The following GABRR2 variants were observed in gnomAD, a reference collection of about 807,000 sequenced individuals.
GABRR2 encodes the protein gamma-aminobutyric acid receptor subunit rho-2.
Under a neutral mutation model 47.0 loss-of-function variants are expected in GABRR2, and 36 were observed. That is an observed-to-expected ratio of 0.77 (90% CI 0.59 to 1.01). The LOEUF is 1.01. GABRR2 is among the 50% of genes least tolerant of loss of function. The probability of loss-of-function intolerance (pLI) is 0.00; values close to 1 mark genes in which losing one functional copy is unlikely to be tolerated. For synonymous variants in GABRR2, 204 were observed against 227.5 expected (o/e 0.90, Z 0.93); for missense variants, 587 against 594.6 (o/e 0.99, Z 0.13).
chr6:89,275,522 C>A (rs897704387), intron 2 of GABRR2, among the ~76,000 whole-genome samples: 1 of 152,186 alleles, frequency 6.6e-6, no homozygotes. Context: ...GATCCGCCCG[C>A]CTCAGCCTCC....
In GABRR2 at chr6:89,315,114, C is replaced by T. The variant is rs776453341; in HGVS notation, c.52G>A (p.Val18Met). The change falls in exon 1 of 9, where the codon GTG becomes ATG. Residue 18 changes from valine to methionine, a missense_variant. Physicochemically the swap from Val to Met is conservative, Grantham distance 21. Transcript: ENST00000402938. ...TTCCTCTTGGGTTTTCTGCTCTCCACGAGAACCATCAAGCAAAACAAGAAC... is the reference window on the plus strand; with the variant it reads ...TTCCTCTTGGGTTTTCTGCTCTCCATGAGAACCATCAAGCAAAACAAGAAC... ...ILFLFCLMVL[V>M]ESRKPKRKRW... is the part of the protein sequence containing the mutation. The T allele has an allele frequency of 5.9e-5, 96 of 1,613,746 alleles. 1 individual carries two copies. The South Asian group carries it at 7.8e-4, about 13-fold the overall frequency.
intron 2 of GABRR2, among the ~76,000 whole-genome samples, chr6:89,276,430 C>G (rs1266038163): frequency 6.6e-6 from 1 of 151,922 alleles, no homozygotes; most frequent in Non-Finnish European, 1.5e-5. Flanking sequence ...TTCTTTACCT[C>G]AATAATTGCA....
chr6:89,277,787 A>G (rs1320274222), intron 2 of GABRR2, among the ~76,000 whole-genome samples: 5 of 147,196 alleles, frequency 3.4e-5, no homozygotes, highest in Admixed American at 2.1e-4. Context: ...AAGTGGCTCA[A>G]ATGAATGGGT....
chr6:89,296,290 G>A (rs558474701), intron 2 of GABRR2, among the ~76,000 whole-genome samples: 9 of 152,370 alleles, frequency 5.9e-5, no homozygotes, highest in Admixed American at 3.3e-4. Flanking sequence ...GGGAATCCCC[G>A]TCCTGCGATC....
intron 1 of GABRR2, among the ~76,000 whole-genome samples, chr6:89,306,017 T>A (rs1767552856): frequency 6.6e-6 from 1 of 150,388 alleles, no homozygotes; most frequent in African/African-American, 2.4e-5. Context: ...AATAAATAAA[T>A]GTGTGATGAG....
intron 8 of GABRR2, among the ~76,000 whole-genome samples, chr6:89,261,145 C>T (rs983647617): frequency 3.9e-5 from 6 of 152,126 alleles, no homozygotes; most frequent in East Asian, 1.9e-4. Flanking sequence ...GTGAACCGTT[C>T]GTTTGTGAGC....
chr6:89,297,308 A>G (rs113658424), intron 2 of GABRR2, among the ~76,000 whole-genome samples: 47 of 152,328 alleles, frequency 3.1e-4, no homozygotes, highest in African/African-American at 1.0e-3. Flanking sequence ...CAGTGTGCCT[A>G]TGCCGCCTAA....
chr6:89,302,036 A>G, intron 1 of GABRR2: 4 of 665,622 alleles, frequency 6.0e-6, no homozygotes, highest in Non-Finnish European at 1.1e-5. Context: ...ACATTTTTTC[A>G]GGCCTGACAA....
chr6:89,260,828 C>T (rs752736371), intron 8 of GABRR2, among the ~76,000 whole-genome samples: 1 of 152,202 alleles, frequency 6.6e-6, no homozygotes, highest in East Asian at 1.9e-4. Flanking sequence ...ATGGCATCCA[C>T]TTAGGAACCT....
Position 89,274,574 on chromosome 6 carries a change from G to C in GABRR2, c.221-2852C>G, listed in dbSNP as rs527889283. Among the ~76,000 whole-genome samples the C allele has an allele frequency of 2.0e-5, 3 of 151,984 alleles. No individual in the cohort carries two copies. The East Asian group carries it at 5.8e-4, about 29-fold the overall frequency. ...ACTGCTGTAGGGTTTTCTGCTTTAA[G>C]AGAGGGGCTGGGCTGGGTGAAGTGG... On this transcript the variant is annotated intron_variant, in intron 2 of 8. Coordinates refer to ENST00000402938, the MANE Select transcript of GABRR2 (RefSeq NM_002043.5).
chr6:89,287,753 T>G (rs1456680401), intron 2 of GABRR2, among the ~76,000 whole-genome samples: 1 of 152,218 alleles, frequency 6.6e-6, no homozygotes. Context: ...GTGGTCTACC[T>G]CCAGAGCCCT....
intron 1 of GABRR2, among the ~76,000 whole-genome samples, chr6:89,311,582 G>T (rs151183414): frequency 6.6e-6 from 1 of 152,118 alleles, no homozygotes; most frequent in Non-Finnish European, 1.5e-5. Context: ...CCTCAAACCC[G>T]GCCTTTGGGT....
chr6:89,266,999 C>CTTTTT (rs71024360), intron 6 of GABRR2, among the ~76,000 whole-genome samples: 7 of 125,890 alleles, frequency 5.6e-5, no homozygotes, highest in Non-Finnish European at 8.1e-5. Context: ...TTCTTTTCTT[C>CTTTTT]TTTTTTTTTT....
rs905793706 is a variant in GABRR2, at chr6:89,254,479, C to A, written c.*3191G>T. Among the ~76,000 whole-genome samples, 12 of 152,130 alleles carry A rather than the reference C, an allele frequency of 7.9e-5. No individual in the cohort carries two copies. The highest frequency in any genetic ancestry group is 2.7e-4 in the African/African-American group (11 of 41,418). ...CAATCACCAGTTTTTGTATAAAACCCATTTCTTTTATTGTAACATTAACAT... is the reference window on the plus strand; with the variant it reads ...CAATCACCAGTTTTTGTATAAAACCAATTTCTTTTATTGTAACATTAACAT... On this transcript the variant is annotated 3_prime_UTR_variant, in exon 9 of 9. Transcript: ENST00000402938.
rs555406203 is a variant in GABRR2 at position 89,255,271 on chromosome 6, T to C, written c.*2399A>G. Among the ~76,000 whole-genome samples the C allele has an allele frequency of 5.5e-4, 83 of 152,092 alleles. No individual in the cohort carries two copies. Among genetic ancestry groups the C allele is most frequent in the African/African-American group, 2.0e-3 (81 of 41,494 alleles). Reference sequence around the variant, plus strand: ...GACTAACATGGAGAAACCCCATCTCTACTAAAAAATACAAAAGTTAGCCAG... The same window carrying C: ...GACTAACATGGAGAAACCCCATCTCCACTAAAAAATACAAAAGTTAGCCAG... On this transcript the variant is annotated 3_prime_UTR_variant, in exon 9 of 9. Coordinates refer to ENST00000402938, the MANE Select transcript of GABRR2 (RefSeq NM_002043.5).
At chr6:89,290,725 C>T (rs1030324771) in intron 2 of GABRR2, among the ~76,000 whole-genome samples, 8 of 152,204 alleles carry the variant, frequency 5.3e-5, no homozygotes, top group African/African-American at 1.9e-4. Context: ...TATCAGAAGG[C>T]AGGAGGTATC....
intron 2 of GABRR2, among the ~76,000 whole-genome samples, chr6:89,282,045 ATCACGACTGCATCACTACTCCTTCC>A (rs1266664413): frequency 2.0e-5 from 3 of 152,116 alleles, no homozygotes; most frequent in Non-Finnish European, 4.4e-5. Flanking sequence ...ACCTCCCTCC[ATCACGACTGCATCACTACTCCTTCC>A]TCATACTCAA....
At chr6:89,280,247 T>TATATAC (rs1554197254) in intron 2 of GABRR2, among the ~76,000 whole-genome samples, 1,070 of 100,888 alleles carry the variant, frequency 0.011, 10 homozygotes, top group East Asian at 0.033. Context: ...TATATATATA[T>TATATAC]ATATATACAT....
chr6:89,299,080 C>T (rs1774603375), intron 2 of GABRR2, among the ~76,000 whole-genome samples: 1 of 152,184 alleles, frequency 6.6e-6, no homozygotes, highest in Non-Finnish European at 1.5e-5. Flanking sequence ...AAAGCCAGAA[C>T]TGACTAAGAC....
Sources: gnomAD v4.1 joint callset for allele counts (sites outside exome capture counted in the v4.1 genomes callset) on GRCh38, gnomAD v4.1.1 for gene constraint, MANE v1.5 for transcripts, NCBI Gene and HGNC (gene_info 2026-07-23, HGNC 2026-07-21) for gene names.